The following DPYSL3 variants were observed in gnomAD, a reference collection of about 807,000 sequenced individuals.
DPYSL3 encodes the protein dihydropyrimidinase-related protein 3.
In DPYSL3, 16 loss-of-function variants were observed where a neutral mutation model predicts 66.1. That is an observed-to-expected ratio of 0.24 (90% CI 0.16 to 0.37). DPYSL3 has a LOEUF of 0.37. DPYSL3 is among the 10% of genes least tolerant of loss of function. DPYSL3 has a pLI of 1.00. For missense variants in DPYSL3, 738 were observed against 916.2 expected (o/e 0.81, Z 2.51); for synonymous variants, 338 against 345.1 (o/e 0.98, Z 0.23).
chr5:147,400,987 G>C (rs1758157714), intron 9 of DPYSL3, among the ~76,000 whole-genome samples, 154 bp from the exon 10 acceptor site: 1 of 152,188 alleles, frequency 6.6e-6, no homozygotes, highest in African/African-American at 2.4e-5. Context: ...GCTTGGATGA[G>C]TTTCTTCCCC....
At chr5:147,457,327 T>C (rs764555244) in intron 1 of DPYSL3, among the ~76,000 whole-genome samples, 2 of 152,146 alleles carry the variant, frequency 1.3e-5, no homozygotes, top group Non-Finnish European at 2.9e-5. Flanking sequence ...TATTTGAGGG[T>C]ATGTGATGTG....
chr5:147,415,666 G>C lies in DPYSL3; in HGVS notation c.820+43C>G, dbSNP rs567543111. The C allele has an allele frequency of 5.6e-5, 90 of 1,596,714 alleles. No homozygotes were observed. The South Asian group carries it at 1.0e-3, about 18-fold the overall frequency. On this transcript the variant is annotated intron_variant, in intron 4 of 13. Coordinates refer to ENST00000343218, the MANE Select transcript of DPYSL3 (RefSeq NM_001197294.2). ...TGGATGGTGTTGGAAGGACTGGCAA[G>C]AAGAAGCTAAGAGAGGAGGGAGGAC... is the stretch of plus-strand genomic sequence containing the variant.
rs569827050 is a variant in DPYSL3, at chr5:147,500,059, T to C, written c.381+9419A>G. Among the ~76,000 whole-genome samples the C allele has an allele frequency of 4.6e-4, 70 of 152,242 alleles. 1 individual carries two copies. The South Asian group carries it at 0.013, about 29-fold the overall frequency. On this transcript the variant is annotated intron_variant, in intron 1 of 13. Coordinates refer to ENST00000343218, the MANE Select transcript of DPYSL3 (RefSeq NM_001197294.2). Reference sequence around the variant, plus strand: ...ACTCCAAATGGATCATAAACCTAAATGTAAGATGCAAACTATAAAACTCCT... The same window carrying C: ...ACTCCAAATGGATCATAAACCTAAACGTAAGATGCAAACTATAAAACTCCT...
At chr5:147,485,353 G>A (rs1199230783) in intron 1 of DPYSL3, among the ~76,000 whole-genome samples, 1 of 152,130 alleles carries the variant, frequency 6.6e-6, no homozygotes, top group Non-Finnish European at 1.5e-5. Context: ...AAGCCAAAGA[G>A]CTGATCATGC....
chr5:147,397,991 G>A, intron 11 of DPYSL3, 146 bp from the exon 12 acceptor site: 1 of 753,314 alleles, frequency 1.3e-6, no homozygotes, highest in Non-Finnish European at 2.0e-6. Context: ...GCATCCAGTG[G>A]GTAGAAGGCA....
chr5:147,477,864 G>A (rs1199663360), intron 1 of DPYSL3, among the ~76,000 whole-genome samples: 4 of 151,284 alleles, frequency 2.6e-5, no homozygotes, highest in African/African-American at 7.3e-5. Context: ...TTACAGGCGT[G>A]AGCCACCGCG....
chr5:147,439,430 T>C (rs1752489488), intron 1 of DPYSL3, among the ~76,000 whole-genome samples: 1 of 150,570 alleles, frequency 6.6e-6, no homozygotes, highest in Non-Finnish European at 1.5e-5. Context: ...GAAAGTGTCA[T>C]AATGGGAGGA....
At chr5:147,484,514 C>G (rs1420279957) in intron 1 of DPYSL3, among the ~76,000 whole-genome samples, 1 of 152,168 alleles carries the variant, frequency 6.6e-6, no homozygotes, top group Non-Finnish European at 1.5e-5. Context: ...TTTCATGGAG[C>G]TTTTCCTATC....
At chr5:147,469,863 C>T (rs1449863128) in intron 1 of DPYSL3, among the ~76,000 whole-genome samples, 1 of 152,218 alleles carries the variant, frequency 6.6e-6, no homozygotes, top group African/African-American at 2.4e-5. Flanking sequence ...TCCACAAGCG[C>T]CTCAGTTACA....
chr5:147,400,742 C>T lies in DPYSL3; in HGVS notation c.1402G>A (p.Gly468Ser). 1 of 1,614,186 alleles carries T rather than the reference C, an allele frequency of 6.2e-7. No homozygotes were observed. The highest frequency in any genetic ancestry group is 8.5e-7 in the Non-Finnish European group (1 of 1,180,020). The change falls in exon 10 of 14, where the codon GGC becomes AGC. Residue 468 changes from glycine (G) to serine (S), a missense_variant. Physicochemically the swap from Gly to Ser is moderately conservative, Grantham distance 56. Coordinates refer to ENST00000343218, the MANE Select transcript of DPYSL3 (RefSeq NM_001197294.2). ...GKDNFTAIPE[G>S]TNGVEERMSV... Reference sequence around the variant, plus strand: ...ATCCGCTCCTCCACACCATTGGTGCCCTCAGGAATGGCTGTGAAGTTGTCC... The same window carrying T: ...ATCCGCTCCTCCACACCATTGGTGCTCTCAGGAATGGCTGTGAAGTTGTCC...
At chr5:147,399,833 T>C (rs1758117620) in intron 10 of DPYSL3, among the ~76,000 whole-genome samples, 1 of 152,222 alleles carries the variant, frequency 6.6e-6, no homozygotes, top group South Asian at 2.1e-4. Flanking sequence ...GATAAATACA[T>C]ACGTACTGCT....
chr5:147,400,387 G>T (rs1561772058), intron 10 of DPYSL3, among the ~76,000 whole-genome samples: 1 of 152,154 alleles, frequency 6.6e-6, no homozygotes, highest in African/African-American at 2.4e-5. Context: ...CAAACAAAAA[G>T]AATTAACTCA....
chr5:147,480,243 G>A (rs1195457721), intron 1 of DPYSL3, among the ~76,000 whole-genome samples: 3 of 152,098 alleles, frequency 2.0e-5, no homozygotes, highest in African/African-American at 4.8e-5. Context: ...TTCTTTTTGC[G>A]CTGTCACTCC....
rs749696414 is a variant in DPYSL3, at chr5:147,401,658, C to T, written c.1192G>A (p.Gly398Ser). The change falls in exon 9 of 14, where the codon GGC becomes AGC. Residue 398 changes from glycine to serine, a missense_variant. Physicochemically the swap from Gly to Ser is moderately conservative, Grantham distance 56. Transcript: ENST00000343218. ...VFGEPITASL[G>S]IDGTHYWSKN... ...CTCCAATAATGGGTTCCATCTATGC[C>T]GAGGCTGGCAGTGATGGGCTCACCA... is the stretch of plus-strand genomic sequence containing the variant. 9 of 1,613,940 alleles carry T rather than the reference C, an allele frequency of 5.6e-6. No individual in the cohort carries two copies. Among genetic ancestry groups the T allele is most frequent in the East Asian group, 2.2e-5 (1 of 44,878 alleles).
At chr5:147,477,732 G>A (rs1041562341) in intron 1 of DPYSL3, among the ~76,000 whole-genome samples, 4 of 150,598 alleles carry the variant, frequency 2.7e-5, no homozygotes, top group South Asian at 2.1e-4. Context: ...ACAGGCGCCC[G>A]CCACCGCGCC....
chr5:147,458,711 C>A (rs139395542), intron 1 of DPYSL3, among the ~76,000 whole-genome samples: 3 of 152,092 alleles, frequency 2.0e-5, no homozygotes, highest in Admixed American at 2.0e-4. Context: ...TTCCTCCAGC[C>A]ACTTACAGTA....
At position 147,443,317 on chromosome 5, in the gene DPYSL3, C is replaced by A. The variant is rs531328919; in HGVS notation, c.382-18354G>T. 5.3e-4 allele frequency among the ~76,000 whole-genome samples: 81 copies of A among 152,278 alleles called. 1 individual carries two copies. The South Asian group carries it at 0.013, about 25-fold the overall frequency. On this transcript the variant is annotated intron_variant, in intron 1 of 13. Transcript: ENST00000343218. Reference sequence around the variant, plus strand: ...ATGCAGCCATAAAAAGGAATGAGATCATGTCCTTTGCAGGGACATGGATGA... The same window carrying A: ...ATGCAGCCATAAAAAGGAATGAGATAATGTCCTTTGCAGGGACATGGATGA...
chr5:147,412,715 T>G, intron 5 of DPYSL3, 27 bp from the exon 6 acceptor site: 2 of 1,595,502 alleles, frequency 1.3e-6, no homozygotes, highest in Non-Finnish European at 1.7e-6. Context: ...TCTTTGTCAC[T>G]CTTGCAAGCA....
intron 1 of DPYSL3, among the ~76,000 whole-genome samples, chr5:147,460,034 C>T (rs111626675): frequency 0.032 from 4,883 of 151,974 alleles, 276 homozygotes; most frequent in African/African-American, 0.11. Flanking sequence ...TGGTGTGAAC[C>T]CAGGAGGCAG....
Sources: allele counts gnomAD v4.1 joint callset (sites outside exome capture counted in the v4.1 genomes callset), GRCh38; gene constraint gnomAD v4.1.1; transcripts MANE v1.5; gene names NCBI Gene and HGNC (gene_info 2026-07-23, HGNC 2026-07-21).